DENND5B: variants seen among roughly 807,000 people sequenced by gnomAD.
DENND5B encodes the protein DENN domain-containing protein 5B.
In DENND5B, 34 loss-of-function variants were observed where a neutral mutation model predicts 140.6. The ratio of observed to expected loss-of-function variants is 0.24; its 90% CI spans 0.18 to 0.32. The LOEUF (loss-of-function observed/expected upper bound fraction) is 0.32. Ranked by LOEUF, DENND5B falls within the 10% of genes least tolerant of loss-of-function variation. The pLI is 1.00. For missense variants in DENND5B, 1,142 were observed against 1,560.2 expected (o/e 0.73, Z 4.52); for synonymous variants, 551 against 562.1 (o/e 0.98, Z 0.28).
At chr12:31,476,899 T>C (rs1945838413) in intron 3 of DENND5B, among the ~76,000 whole-genome samples, 1 of 152,170 alleles carries the variant, frequency 6.6e-6, no homozygotes, top group African/African-American at 2.4e-5. Context: ...TTCAAGAAAA[T>C]GGCCTTTAAG....
intron 2 of DENND5B, among the ~76,000 whole-genome samples, chr12:31,485,043 T>C (rs568842818): frequency 8.5e-5 from 13 of 152,322 alleles, no homozygotes; most frequent in African/African-American, 3.1e-4. Flanking sequence ...TTTGGTGGCC[T>C]GCTGCTGGTT....
chr12:31,391,965 C>A (rs571156899), intron 19 of DENND5B, among the ~76,000 whole-genome samples: 1 of 151,724 alleles, frequency 6.6e-6, no homozygotes, highest in Non-Finnish European at 1.5e-5. Flanking sequence ...ATGGTGAAAC[C>A]CCTTCTCTAT....
At chr12:31,458,310 A>C (rs2679503) in intron 4 of DENND5B, among the ~76,000 whole-genome samples, 11,817 of 152,252 alleles carry the variant, frequency 0.078, 1,042 homozygotes, top group African/African-American at 0.22. Flanking sequence ...ATCTTATAAA[A>C]TATTACATGG....
chr12:31,423,513 A>G, intron 11 of DENND5B, 84 bp downstream of exon 11: 1 of 1,377,034 alleles, frequency 7.3e-7, no homozygotes, highest in Non-Finnish European at 1.0e-6. Context: ...TTAGCTTGAG[A>G]GAGAAAGAGA....
At chr12:31,451,569 C>T (rs1015366618) in intron 5 of DENND5B, 10 of 233,538 alleles carry the variant, frequency 4.3e-5, no homozygotes, top group Admixed American at 2.1e-4. Flanking sequence ...GTGATCCGTC[C>T]GCCTCGGCCT....
intron 12 of DENND5B, among the ~76,000 whole-genome samples, chr12:31,414,156 T>C (rs1309805165): frequency 1.3e-5 from 2 of 152,152 alleles, no homozygotes; most frequent in Admixed American, 1.3e-4. Flanking sequence ...CTCAATCTCT[T>C]GGTCTCAAAT....
At chr12:31,466,322 C>T (rs1046932212) in intron 3 of DENND5B, among the ~76,000 whole-genome samples, 4 of 151,580 alleles carry the variant, frequency 2.6e-5, no homozygotes, top group African/African-American at 9.7e-5. Context: ...CACTGCACTC[C>T]AGCCTGGCAA....
chr12:31,545,356 A>C (rs1437637962), intron 1 of DENND5B, among the ~76,000 whole-genome samples: 1 of 152,130 alleles, frequency 6.6e-6, no homozygotes, highest in Non-Finnish European at 1.5e-5. Flanking sequence ...TATTGAATAT[A>C]ATACCCGTTT....
intron 1 of DENND5B, among the ~76,000 whole-genome samples, chr12:31,558,378 T>C (rs962852819): frequency 1.3e-5 from 2 of 152,092 alleles, no homozygotes; most frequent in Non-Finnish European, 2.9e-5. Flanking sequence ...ATTATTACAG[T>C]GCAACTACAA....
At chr12:31,527,570 G>C (rs763130682) in intron 1 of DENND5B, among the ~76,000 whole-genome samples, 1 of 152,128 alleles carries the variant, frequency 6.6e-6, no homozygotes, top group Non-Finnish European at 1.5e-5. Flanking sequence ...ATGAGGTCAG[G>C]AGTTCGAGAC....
At chr12:31,416,974 C>T (rs1376724294) in intron 11 of DENND5B, among the ~76,000 whole-genome samples, 1 of 145,858 alleles carries the variant, frequency 6.9e-6, no homozygotes, top group African/African-American at 2.6e-5. Flanking sequence ...ACCTGTAGCA[C>T]CAGTTGCTTG....
Position 31,534,676 on chromosome 12 carries a change from C to T in DENND5B, c.128-38757G>A, listed in dbSNP as rs538069180. 3.1e-5 allele frequency: 8 copies of T among 254,352 alleles called. No individual in the cohort carries two copies. The South Asian group carries it at 3.2e-4, about 10-fold the overall frequency. 15.8% of individuals were successfully genotyped at this position (254,352 alleles called of 1,614,324 possible). On this transcript the variant is annotated intron_variant, in intron 1 of 20. Transcript: ENST00000389082. The stretch of plus-strand genomic sequence containing the variant: ...ATATTTTATATCTTGCACGAAGGAG[C>T]CACTGGTACTTAGACACCTAAAATT...
At chr12:31,415,238 A>C in intron 12 of DENND5B, 129 bp downstream of exon 12, 1 of 606,390 alleles carries the variant, frequency 1.6e-6, no homozygotes, top group African/African-American at 1.8e-5. Flanking sequence ...GAAATCATAA[A>C]AAATGCTTTC....
intron 1 of DENND5B, among the ~76,000 whole-genome samples, chr12:31,587,630 C>T (rs970995572): frequency 4.1e-5 from 6 of 146,942 alleles, no homozygotes; most frequent in Non-Finnish European, 8.9e-5. Context: ...TCACTGCAAC[C>T]TCCACCTCCT....
At chr12:31,554,941 T>C (rs1056111304) in intron 1 of DENND5B, among the ~76,000 whole-genome samples, 2 of 152,246 alleles carry the variant, frequency 1.3e-5, no homozygotes, top group Non-Finnish European at 2.9e-5. Flanking sequence ...GCATTGGTTA[T>C]TCTAGTTATC....
chr12:31,387,816 G>C (rs1343627869), intron 20 of DENND5B, 30 bp from the exon 21 acceptor site: 2 of 1,600,550 alleles, frequency 1.2e-6, no homozygotes, highest in Non-Finnish European at 1.7e-6. Context: ...CAATTCCTGA[G>C]CATTGCTGGC....
At position 31,535,427 on chromosome 12, in the gene DENND5B, C is replaced by CAT. The variant is rs909928857; in HGVS notation, c.128-39510_128-39509dup. Among the ~76,000 whole-genome samples, 13 of 151,790 alleles carry CAT rather than the reference C, an allele frequency of 8.6e-5. 1 individual carries two copies. In the South Asian group the frequency reaches 1.5e-3, roughly 17 times the overall value. On this transcript the variant is annotated intron_variant, in intron 1 of 20. Transcript: ENST00000389082. Reference sequence around the variant, plus strand: ...AGAGAGAGACACACACACACACACACATATATACACATACACACACACACA... The same window carrying CAT: ...AGAGAGAGACACACACACACACACACATATATATACACATACACACACACACA...
chr12:31,466,671 C>T (rs1945281806), intron 3 of DENND5B, among the ~76,000 whole-genome samples: 1 of 150,090 alleles, frequency 6.7e-6, no homozygotes, highest in Non-Finnish European at 1.5e-5. Flanking sequence ...CCATCCTGGG[C>T]AATAAAGTGA....
chr12:31,588,812 G>A (rs142402904), intron 1 of DENND5B, among the ~76,000 whole-genome samples: 105 of 152,244 alleles, frequency 6.9e-4, no homozygotes, highest in Non-Finnish European at 1.3e-3. Context: ...TGTCCCCAGT[G>A]CCTAAAAAAC....
Sources: gnomAD v4.1 joint callset for allele counts (sites outside exome capture counted in the v4.1 genomes callset) on GRCh38, gnomAD v4.1.1 for gene constraint, MANE v1.5 for transcripts, NCBI Gene and HGNC (gene_info 2026-07-23, HGNC 2026-07-21) for gene names.